The following CAMK1D variants were observed in gnomAD, a reference collection of about 807,000 sequenced individuals.
CAMK1D encodes the protein calcium/calmodulin-dependent protein kinase type 1D.
Under a neutral mutation model 47.7 loss-of-function variants are expected in CAMK1D, and 9 were observed. The observed-to-expected ratio is 0.19, with a 90% CI of 0.11 to 0.33. CAMK1D has a LOEUF of 0.33. Ranked by LOEUF, CAMK1D falls within the 10% of genes least tolerant of loss-of-function variation. The pLI, the probability that CAMK1D is intolerant of heterozygous loss-of-function variation, is 1.00. For missense variants in CAMK1D, 291 were observed against 488.7 expected (o/e 0.60, Z 3.81); for synonymous variants, 184 against 184.9 (o/e 0.99, Z 0.04).
intron 2 of CAMK1D, among the ~76,000 whole-genome samples, chr10:12,556,831 G>A (rs1284094730): frequency 6.6e-6 from 1 of 152,204 alleles, no homozygotes; most frequent in Non-Finnish European, 1.5e-5. Context: ...GGACTGGGGG[G>A]CCAGGACTCT....
At chr10:12,521,421 A>G (rs1038269397) in intron 1 of CAMK1D, among the ~76,000 whole-genome samples, 2 of 152,188 alleles carry the variant, frequency 1.3e-5, no homozygotes, top group Admixed American at 6.5e-5. Context: ...ACATAATCTG[A>G]TATTGATTTC....
intron 3 of CAMK1D, among the ~76,000 whole-genome samples, chr10:12,754,548 A>T (rs1052116823): frequency 1.3e-5 from 2 of 152,232 alleles, no homozygotes; most frequent in South Asian, 4.1e-4. Context: ...AGTATGGAAG[A>T]TCCTTTATGT....
chr10:12,712,746 C>G (rs939802124), intron 3 of CAMK1D, among the ~76,000 whole-genome samples: 5 of 152,190 alleles, frequency 3.3e-5, no homozygotes, highest in African/African-American at 7.2e-5. Context: ...GTAGGGGAGA[C>G]TAACATTCAG....
intron 1 of CAMK1D, among the ~76,000 whole-genome samples, chr10:12,521,394 A>G (rs1166131179): frequency 6.6e-6 from 1 of 152,180 alleles, no homozygotes; most frequent in Non-Finnish European, 1.5e-5. Flanking sequence ...TGCTTTCCAC[A>G]TATTTGAGAA....
At chr10:12,450,573 A>G (rs181492259) in intron 1 of CAMK1D, among the ~76,000 whole-genome samples, 30 of 152,322 alleles carry the variant, frequency 2.0e-4, no homozygotes, top group African/African-American at 7.2e-4. Context: ...CTTGGCTTGT[A>G]GATTGGGCAG....
intron 2 of CAMK1D, among the ~76,000 whole-genome samples, chr10:12,598,358 T>C (rs1455994204): frequency 6.6e-6 from 1 of 152,240 alleles, no homozygotes; most frequent in Admixed American, 6.5e-5. Flanking sequence ...TTCTCCAGCA[T>C]GGTAAAATTC....
chr10:12,643,285 G>A (rs185128793), intron 2 of CAMK1D, among the ~76,000 whole-genome samples: 70 of 152,324 alleles, frequency 4.6e-4, no homozygotes, highest in Admixed American at 3.3e-3. Flanking sequence ...ACAGGCGTGA[G>A]CCATCGTGCC....
At chr10:12,662,869 G>A (rs1409427976) in intron 2 of CAMK1D, among the ~76,000 whole-genome samples, 1 of 152,202 alleles carries the variant, frequency 6.6e-6, no homozygotes, top group East Asian at 1.9e-4. Context: ...CTACGACAAT[G>A]AACTTGTTAG....
intron 2 of CAMK1D, among the ~76,000 whole-genome samples, chr10:12,618,631 G>A (rs1376784982): frequency 6.6e-6 from 1 of 152,092 alleles, no homozygotes; most frequent in Non-Finnish European, 1.5e-5. Context: ...ATTAAGCATT[G>A]CCAGAGTATT....
At chr10:12,576,690 C>T (rs2132327803) in intron 2 of CAMK1D, among the ~76,000 whole-genome samples, 1 of 152,284 alleles carries the variant, frequency 6.6e-6, no homozygotes, top group South Asian at 2.1e-4. Context: ...GAATCTTTTG[C>T]CACCAATGAT....
intron 1 of CAMK1D, among the ~76,000 whole-genome samples, chr10:12,353,174 T>G (rs1837402124): frequency 6.6e-6 from 1 of 152,192 alleles, no homozygotes; most frequent in African/African-American, 2.4e-5. Flanking sequence ...GTCTGGGCCC[T>G]TCTCTTGTTT....
At chr10:12,742,361 C>T (rs1368295531) in intron 3 of CAMK1D, among the ~76,000 whole-genome samples, 1 of 152,190 alleles carries the variant, frequency 6.6e-6, no homozygotes, top group Non-Finnish European at 1.5e-5. Flanking sequence ...TTTCCAACTC[C>T]TGGGCTCAGG....
chr10:12,659,008 C>A (rs1840197661), intron 2 of CAMK1D, among the ~76,000 whole-genome samples: 1 of 152,104 alleles, frequency 6.6e-6, no homozygotes, highest in African/African-American at 2.4e-5. Context: ...AAAAGAGCAC[C>A]CTGTAACACA....
rs572598226 is a variant in CAMK1D at position 12,499,297 on chromosome 10, G to T, written c.93-53928G>T. On this transcript the variant is annotated intron_variant, in intron 1 of 10. Coordinates refer to ENST00000619168, the MANE Select transcript of CAMK1D (RefSeq NM_153498.4). ...TAGTAAGATGCAAATGGACGGTCCT[G>T]GGTCTCATTTCATTGCCAGGAGCAG... 7.4e-4 allele frequency among the ~76,000 whole-genome samples: 113 copies of T among 152,132 alleles called. 1 individual carries two copies. Among genetic ancestry groups the T allele is most frequent in the African/African-American group, 2.6e-3 (108 of 41,506 alleles).
intron 3 of CAMK1D, among the ~76,000 whole-genome samples, chr10:12,726,173 C>G (rs11592136): frequency 1.3e-5 from 2 of 151,914 alleles, no homozygotes; most frequent in Non-Finnish European, 2.9e-5. Context: ...TGCCTGTAAT[C>G]CCATTACTTT....
At chr10:12,446,103 A>G (rs750538044) in intron 1 of CAMK1D, among the ~76,000 whole-genome samples, 1 of 152,184 alleles carries the variant, frequency 6.6e-6, no homozygotes, top group Non-Finnish European at 1.5e-5. Flanking sequence ...CTAGTGTTAC[A>G]GAAAAGGGGT....
chr10:12,579,665 A>G (rs1321210751), intron 2 of CAMK1D, among the ~76,000 whole-genome samples: 1 of 152,050 alleles, frequency 6.6e-6, no homozygotes, highest in African/African-American at 2.4e-5. Context: ...CCTGTCAAAA[A>G]TCTTGACCAT....
In CAMK1D at chr10:12,723,833, A is replaced by G. The variant is rs191757389; in HGVS notation, c.300-37115A>G. ...GTGCAGGTTTGTTACATATGTATAC[A>G]TGTGCCATGTTGGTGTGCTGCACCC... On this transcript the variant is annotated intron_variant, in intron 3 of 10. Transcript: ENST00000619168. 7.2e-3 allele frequency among the ~76,000 whole-genome samples: 1,101 copies of G among 152,264 alleles called. 10 individuals carry two copies. Among genetic ancestry groups the G allele is most frequent in the Non-Finnish European group, 0.011 (724 of 68,026 alleles).
intron 2 of CAMK1D, among the ~76,000 whole-genome samples, chr10:12,600,447 A>ACTCT (rs993962204): frequency 2.6e-5 from 4 of 152,216 alleles, no homozygotes; most frequent in African/African-American, 9.6e-5. Context: ...TTAACAGAAT[A>ACTCT]TAGAGGGGTC....
Sources: allele counts gnomAD v4.1 joint callset (sites outside exome capture counted in the v4.1 genomes callset), GRCh38; gene constraint gnomAD v4.1.1; transcripts MANE v1.5; gene names NCBI Gene and HGNC (gene_info 2026-07-23, HGNC 2026-07-21).